RFX7: variants seen among roughly 807,000 people sequenced by gnomAD.
RFX7 encodes the protein DNA-binding protein RFX7.
Under a neutral mutation model 111.8 loss-of-function variants are expected in RFX7, and 26 were observed. The observed-to-expected ratio is 0.23, with a 90% CI of 0.17 to 0.32. The LOEUF is 0.32. RFX7 is among the 10% of genes least tolerant of loss of function. The pLI is 1.00. For missense variants in RFX7, 1,573 were observed against 1,772.9 expected (o/e 0.89, Z 2.02); for synonymous variants, 624 against 624.4 (o/e 1.00, Z 0.01).
At chr15:56,221,230 T>C (rs1315397330) in intron 2 of RFX7, among the ~76,000 whole-genome samples, 1 of 152,244 alleles carries the variant, frequency 6.6e-6, no homozygotes, top group East Asian at 1.9e-4. Flanking sequence ...CACTGGTAGT[T>C]TGATACAAAT....
chr15:56,234,283 CT>C (rs1306699446), intron 2 of RFX7, among the ~76,000 whole-genome samples: 1 of 152,170 alleles, frequency 6.6e-6, no homozygotes, highest in African/African-American at 2.4e-5. Context: ...ATGTCTTATA[CT>C]TTTTTAACCT....
intron 2 of RFX7, among the ~76,000 whole-genome samples, chr15:56,213,379 C>T (rs1476854474): frequency 6.6e-6 from 1 of 152,102 alleles, no homozygotes; most frequent in East Asian, 1.9e-4. Flanking sequence ...TTATTGATAG[C>T]TAGAACAATC....
intron 2 of RFX7, among the ~76,000 whole-genome samples, chr15:56,183,994 A>G (rs2043005886): frequency 6.7e-6 from 1 of 148,698 alleles, no homozygotes; most frequent in South Asian, 2.1e-4. Context: ...ACCTTCATGA[A>G]CTCTTATTAG....
chr15:56,127,784 G>T (rs966292240), intron 5 of RFX7, among the ~76,000 whole-genome samples: 1 of 151,752 alleles, frequency 6.6e-6, no homozygotes, highest in Non-Finnish European at 1.5e-5. Context: ...CTGACCTCGT[G>T]ATCTGCCCGT....
At chr15:56,214,326 AAT>A (rs1282775057) in intron 2 of RFX7, among the ~76,000 whole-genome samples, 1 of 148,114 alleles carries the variant, frequency 6.8e-6, no homozygotes, top group Non-Finnish European at 1.5e-5. Flanking sequence ...TATATTAAGA[AAT>A]AAAAAATCTG....
intron 2 of RFX7, among the ~76,000 whole-genome samples, chr15:56,184,026 T>G (rs2043006671): frequency 6.6e-6 from 1 of 151,174 alleles, no homozygotes; most frequent in South Asian, 2.1e-4. Flanking sequence ...TGTAGTTGTT[T>G]TTTTTTTTTT....
At position 56,164,630 on chromosome 15, in the gene RFX7, T is replaced by C. The variant is rs1405658952; in HGVS notation, c.195+14640A>G. On this transcript the variant is annotated intron_variant, in intron 3 of 9. Transcript: ENST00000559447. ...AACAGACTTCCTACCAACAGACTGC[T>C]TGCACTGCCTTCCTTTGCCTGATTT... Among the ~76,000 whole-genome samples the C allele has an allele frequency of 2.6e-5, 4 of 152,326 alleles. No individual in the cohort carries two copies. In the East Asian group the frequency reaches 7.7e-4, roughly 29 times the overall value.
intron 2 of RFX7, among the ~76,000 whole-genome samples, chr15:56,210,694 T>C (rs77220396): frequency 0.059 from 8,960 of 152,156 alleles, 675 homozygotes; most frequent in East Asian, 0.37. Context: ...AATGCACTTC[T>C]AAATAACGCG....
At chr15:56,146,688 G>A (rs1412429212) in intron 3 of RFX7, among the ~76,000 whole-genome samples, 1 of 151,962 alleles carries the variant, frequency 6.6e-6, no homozygotes, top group East Asian at 1.9e-4. Flanking sequence ...TTAGAAGATG[G>A]CAAAAAAAAG....
chr15:56,176,819 T>A (rs2042908146), intron 3 of RFX7, among the ~76,000 whole-genome samples: 2 of 152,090 alleles, frequency 1.3e-5, no homozygotes, highest in South Asian at 2.1e-4. Context: ...AAATCTTCCA[T>A]TGCCATCATC....
intron 2 of RFX7, among the ~76,000 whole-genome samples, chr15:56,184,591 T>G (rs1411474661): frequency 2.0e-5 from 3 of 152,204 alleles, no homozygotes; most frequent in Non-Finnish European, 4.4e-5. Flanking sequence ...AAATGTTCTC[T>G]ATCAATTTAA....
chr15:56,183,724 G>A (rs115613763), intron 2 of RFX7, among the ~76,000 whole-genome samples: 4,246 of 152,124 alleles, frequency 0.028, 194 homozygotes, highest in African/African-American at 0.096. Context: ...TTTTTCAATC[G>A]GGTTTTCTAA....
At chr15:56,143,776 A>T (rs1308561788) in intron 4 of RFX7, among the ~76,000 whole-genome samples, 3 of 152,198 alleles carry the variant, frequency 2.0e-5, no homozygotes, top group Non-Finnish European at 2.9e-5. Flanking sequence ...ATTTATTTCT[A>T]TATACAGTTT....
intron 5 of RFX7, among the ~76,000 whole-genome samples, chr15:56,106,040 A>G (rs1385649245): frequency 2.0e-5 from 3 of 152,188 alleles, no homozygotes; most frequent in Admixed American, 2.0e-4. Context: ...TCTAAAGTCC[A>G]TACAGCAGGC....
At chr15:56,126,802 A>T (rs2140981774) in intron 5 of RFX7, among the ~76,000 whole-genome samples, 1 of 152,338 alleles carries the variant, frequency 6.6e-6, no homozygotes, top group East Asian at 1.9e-4. Flanking sequence ...TATTAAGATG[A>T]AATGGTCAAT....
chr15:56,139,021 C>T (rs1486505746), intron 5 of RFX7, among the ~76,000 whole-genome samples: 9 of 151,392 alleles, frequency 5.9e-5, no homozygotes, highest in East Asian at 3.9e-4. Context: ...GAGGGTAACC[C>T]GACCTTTCTC....
At chr15:56,109,392 G>A (rs560707887) in intron 5 of RFX7, among the ~76,000 whole-genome samples, 2 of 152,112 alleles carry the variant, frequency 1.3e-5, no homozygotes, top group East Asian at 3.8e-4. Context: ...ATCTCGGCTC[G>A]CTACAACATC....
intron 2 of RFX7, among the ~76,000 whole-genome samples, chr15:56,233,257 A>G (rs1348390303): frequency 6.6e-6 from 1 of 152,210 alleles, no homozygotes; most frequent in Non-Finnish European, 1.5e-5. Context: ...CACATCTTAC[A>G]TGGCAGCAGA....
intron 2 of RFX7, among the ~76,000 whole-genome samples, chr15:56,187,004 T>C (rs557908024): frequency 3.3e-5 from 5 of 152,324 alleles, no homozygotes; most frequent in African/African-American, 1.2e-4. Context: ...AACACCTGAA[T>C]ATACTTTGAG....
Sources: allele counts gnomAD v4.1 joint callset (sites outside exome capture counted in the v4.1 genomes callset), GRCh38; gene constraint gnomAD v4.1.1; transcripts MANE v1.5; gene names NCBI Gene and HGNC (gene_info 2026-07-23, HGNC 2026-07-21).